DHX30: variants seen among roughly 807,000 people sequenced by gnomAD.
DHX30 encodes the protein ATP-dependent RNA helicase DHX30.
DHX30 carries 4 observed loss-of-function variants against 116.9 expected under a neutral mutation model. That is an observed-to-expected ratio of 0.03 (90% CI 0.02 to 0.08). The LOEUF (loss-of-function observed/expected upper bound fraction) is 0.08, where lower values mean the gene tolerates loss of function less well. DHX30 is among the 10% of genes least tolerant of loss of function. The pLI, the probability that DHX30 is intolerant of heterozygous loss-of-function variation, is 1.00. For missense variants in DHX30, 871 were observed against 1,595.1 expected, an observed-to-expected ratio of 0.55 and a Z score of 7.73; for synonymous variants, 697 against 651.7, an observed-to-expected ratio of 1.07 and a Z score of -1.06.
intron 6 of DHX30, among the ~76,000 whole-genome samples, chr3:47,832,565 G>A (rs1173809285): frequency 6.6e-6 from 1 of 151,926 alleles, no homozygotes; most frequent in Admixed American, 6.6e-5. Context: ...TCTCCCATAG[G>A]GTAGGTCTAC....
rs1254789810 is a variant in DHX30 at position 47,827,490 on chromosome 3, G to T, written c.255+13G>T. On this transcript the variant is annotated intron_variant, in intron 5 of 21. Transcript: ENST00000445061. ...ACCGAAGAAAAAGGTAACTCTGCTG[G>T]TGGCAAGGAAAAACATTGGTATGAC... 1.2e-6 allele frequency: 2 copies of T among 1,605,490 alleles called. No homozygotes were observed. The highest frequency in any genetic ancestry group is 2.2e-5 in the South Asian group (2 of 89,162).
chr3:47,840,256 C>G (rs1336924656), intron 6 of DHX30, among the ~76,000 whole-genome samples: 2 of 151,600 alleles, frequency 1.3e-5, no homozygotes, highest in African/African-American at 4.8e-5. Flanking sequence ...CTCGGCCTCC[C>G]AAAGTGCTGG....
At chr3:47,830,102 T>A (rs1041624621) in intron 6 of DHX30, among the ~76,000 whole-genome samples, 14 of 150,946 alleles carry the variant, frequency 9.3e-5, no homozygotes, top group Non-Finnish European at 1.5e-4. Context: ...AGTGCTGGGA[T>A]TACAGGCATG....
rs1324986940 is a variant in DHX30, at chr3:47,839,325, G to C, written c.367-1552G>C. Among the ~76,000 whole-genome samples the C allele has an allele frequency of 1.3e-4, 11 of 83,726 alleles. 1 individual carries two copies. Among genetic ancestry groups the C allele is most frequent in the Admixed American group, 1.3e-3 (8 of 6,094 alleles). The allele number at this position is 83,726 out of a possible 152,430, so 54.9% of individuals were successfully genotyped here. On this transcript the variant is annotated intron_variant, in intron 6 of 21. Coordinates refer to ENST00000445061, the MANE Select transcript of DHX30 (RefSeq NM_138615.3). ...TGAGACGGAGTTTCGCCGGAGGTTT[G>C]CTCTTGTTACCCAGGCTGGAGTGCA...
chr3:47,846,198 C>T lies in DHX30; in HGVS notation c.1126C>T (p.Leu376Phe), dbSNP rs765542942. 27 of 1,613,798 alleles carry T rather than the reference C, an allele frequency of 1.7e-5. No individual in the cohort carries two copies. Among genetic ancestry groups the T allele is most frequent in the Non-Finnish European group, 1.4e-5 (17 of 1,180,022 alleles). Residue 376 changes from leucine to phenylalanine, a missense_variant, in exon 11 of 22, where the codon CTC becomes TTC. Physicochemically the swap from Leu to Phe is conservative, Grantham distance 22. Coordinates refer to ENST00000445061, the MANE Select transcript of DHX30 (RefSeq NM_138615.3). Reference sequence around the variant, plus strand: ...GGAGAGTTCATGGATCGCCCCAGAACTCCGGCTGCAGAGTGATGACATCTT... The same window carrying T: ...GGAGAGTTCATGGATCGCCCCAGAATTCCGGCTGCAGAGTGATGACATCTT... ...PVESSWIAPE[L>F]RLQSDDILPL...
At chr3:47,825,357 A>G (rs1343434083) in intron 4 of DHX30, 3 of 528,700 alleles carry the variant, frequency 5.7e-6, no homozygotes, top group South Asian at 2.4e-5. Context: ...CCTCTCTTCC[A>G]TAGTGGCCAA....
Position 47,847,623 on chromosome 3 carries a change from C to T in DHX30, c.2110+87C>T. On this transcript the variant is annotated intron_variant, in intron 13 of 21. Transcript: ENST00000445061. The surrounding 1 kb of genome is among the most constrained non-coding windows in gnomAD (Gnocchi z 5.5). The stretch of plus-strand genomic sequence containing the variant: ...ACTGACCCAACTGGGACTCCAGGGG[C>T]CCCGGTTTCTGACCAAGCTGTGGCA... 1.4e-6 allele frequency: 2 copies of T among 1,460,330 alleles called. No homozygotes were observed. Among genetic ancestry groups the T allele is most frequent in the Non-Finnish European group, 1.8e-6 (2 of 1,090,234 alleles). The allele number at this position is 1,460,330 out of a possible 1,614,324, so 90.5% of individuals were successfully genotyped here.
chr3:47,847,149 C>G lies in DHX30; in HGVS notation c.1930-124C>G, dbSNP rs534817429. 6.8e-7 allele frequency: 1 copy of G among 1,468,396 alleles called. No homozygotes were observed. Among genetic ancestry groups the G allele is most frequent in the Admixed American group, 1.7e-5 (1 of 57,466 alleles). 91.0% of individuals were successfully genotyped at this position (1,468,396 alleles called of 1,614,324 possible). A position where few individuals can be genotyped will look rare whatever the true frequency, so the allele number is the denominator to read the frequency against. On this transcript the variant is annotated intron_variant, in intron 11 of 21. Coordinates refer to ENST00000445061, the MANE Select transcript of DHX30 (RefSeq NM_138615.3). This position sits in a 1 kb window ranked among gnomAD's most constrained non-coding sequence, Gnocchi z 5.5. The stretch of plus-strand genomic sequence containing the variant: ...AGAAACTGGGGACTAACCCTGCCTG[C>G]GTGGCACACGTGAGGATTGGAGTTG...
At chr3:47,811,002 T>C (rs1576461252) in intron 3 of DHX30, among the ~76,000 whole-genome samples, 1 of 151,632 alleles carries the variant, frequency 6.6e-6, no homozygotes, top group Admixed American at 6.6e-5. Context: ...CAGGCTGGAG[T>C]GCAGTGGCAC....
chr3:47,845,486 C>G, intron 9 of DHX30: 1 of 510,792 alleles, frequency 2.0e-6, no homozygotes, highest in South Asian at 6.1e-5. Flanking sequence ...CGCGCCCGGC[C>G]TGAATTAACT....
At chr3:47,828,403 T>C (rs1235488955) in intron 5 of DHX30, among the ~76,000 whole-genome samples, 3 of 142,918 alleles carry the variant, frequency 2.1e-5, no homozygotes, top group African/African-American at 8.0e-5. Flanking sequence ...GAGGCTGCAG[T>C]AAGCTGTGAT....
intron 2 of DHX30, among the ~76,000 whole-genome samples, chr3:47,805,648 C>T (rs1303704323): frequency 6.6e-6 from 1 of 152,058 alleles, no homozygotes; most frequent in Non-Finnish European, 1.5e-5. Context: ...AAGCAATTCT[C>T]CTGTCTCAGC....
At chr3:47,809,696 C>A (rs1209626737) in intron 2 of DHX30, among the ~76,000 whole-genome samples, 3 of 152,074 alleles carry the variant, frequency 2.0e-5, no homozygotes, top group Non-Finnish European at 4.4e-5. Context: ...AAAGATTCCG[C>A]CCCAGGTCAG....
chr3:47,811,402 T>C (rs952784742), intron 3 of DHX30, among the ~76,000 whole-genome samples: 1 of 152,102 alleles, frequency 6.6e-6, no homozygotes, highest in African/African-American at 2.4e-5. Flanking sequence ...AATTAATCAT[T>C]TTGTCACTAG....
chr3:47,848,931 G>A lies in DHX30; in HGVS notation c.2781G>A (p.Leu927=). ...TTCTCCCCTCCCAGGTGAAAGCACT[G>A]TTGAGCCATGACAGCGGCAGTGACC... ...NRAEVDKVKA[L]LSHDSGSDHL... is the part of the protein sequence containing the mutation. Residue 927 remains leucine, a synonymous_variant, in exon 18 of 22, where the codon CTG becomes CTA. Coordinates refer to ENST00000445061, the MANE Select transcript of DHX30 (RefSeq NM_138615.3). This position sits in a 1 kb window ranked among gnomAD's most constrained non-coding sequence, Gnocchi z 9.4. 2 of 1,608,160 alleles carry A rather than the reference G, an allele frequency of 1.2e-6. No homozygotes were observed. Among genetic ancestry groups the A allele is most frequent in the East Asian group, 2.2e-5 (1 of 44,750 alleles).
intron 5 of DHX30, among the ~76,000 whole-genome samples, chr3:47,828,463 C>CAAA (rs541910100): frequency 5.6e-4 from 29 of 52,148 alleles, no homozygotes; most frequent in Admixed American, 6.7e-4. Context: ...CTGTCCCCCA[C>CAAA]AAAAAAAAAA....
At chr3:47,823,728 TATA>T (rs2036405324) in intron 4 of DHX30, among the ~76,000 whole-genome samples, 1 of 152,144 alleles carries the variant, frequency 6.6e-6, no homozygotes, top group African/African-American at 2.4e-5. Context: ...GAAAAAATAG[TATA>T]ATGAACCTGC....
intron 3 of DHX30, among the ~76,000 whole-genome samples, chr3:47,815,723 CAAAAAAAAAAAAAAAAA>C (rs11349970): frequency 1.4e-4 from 3 of 20,756 alleles, no homozygotes; most frequent in Non-Finnish European, 2.4e-4. Flanking sequence ...TAAAAAAGAG[CAAAAAAAAAAAAAAAAA>C]AAAAAAAAAA....
At chr3:47,824,403 T>G (rs1471026471) in intron 4 of DHX30, among the ~76,000 whole-genome samples, 1 of 152,200 alleles carries the variant, frequency 6.6e-6, no homozygotes, top group African/African-American at 2.4e-5. Context: ...CCCTGGGGAT[T>G]AAATCTGTTT....
Sources: gnomAD v4.1 joint callset for allele counts (sites outside exome capture counted in the v4.1 genomes callset) on GRCh38, gnomAD v4.1.1 for gene constraint, Gnocchi (gnomAD v3.1) non-coding constraint, MANE v1.5 for transcripts, NCBI Gene and HGNC (gene_info 2026-07-23, HGNC 2026-07-21) for gene names.